NME9: variants seen among roughly 807,000 people sequenced by gnomAD.
The protein encoded by NME9 is thioredoxin domain-containing protein 6.
In NME9, 48 loss-of-function variants were observed where a neutral mutation model predicts 44.4. That is an observed-to-expected ratio of 1.08 (90% CI 0.86 to 1.37). The LOEUF (loss-of-function observed/expected upper bound fraction) is 1.37. Ranked by LOEUF, NME9 falls within the 40% of genes most tolerant of loss-of-function variation. The pLI, the probability that NME9 is intolerant of heterozygous loss-of-function variation, is 0.00. For synonymous variants in NME9, 139 were observed against 147.1 expected (o/e 0.94, Z 0.40); for missense variants, 325 against 405.2 (o/e 0.80, Z 1.70).
At chr3:138,291,273 G>A (rs923840304) in intron 8 of NME9, among the ~76,000 whole-genome samples, 4 of 152,176 alleles carry the variant, frequency 2.6e-5, no homozygotes, top group African/African-American at 9.7e-5. Flanking sequence ...AAGCCCTTCA[G>A]CCCTTAATGG....
At chr3:138,281,288 A>ATTTCTT (rs2049894179) in intron 8 of NME9, among the ~76,000 whole-genome samples, 1 of 148,754 alleles carries the variant, frequency 6.7e-6, no homozygotes, top group Non-Finnish European at 1.5e-5. Context: ...CCAATAATTG[A>ATTTCTT]TTTCTTTTTC....
Position 138,329,779 on chromosome 3 carries a change from A to C in NME9, c.-444T>G. 1 of 994,520 alleles carries C rather than the reference A, an allele frequency of 1.0e-6. No homozygotes were observed. The highest frequency in any genetic ancestry group is 1.2e-6 in the Non-Finnish European group (1 of 835,848). The allele number at this position is 994,520 out of a possible 1,614,324, so 61.6% of individuals were successfully genotyped here. A position where few individuals can be genotyped will look rare whatever the true frequency, so the allele number is the denominator to read the frequency against. Reference sequence around the variant, plus strand: ...CTGGGAAAGTGAGCCACTGCGAACGACAGGTACAAGATCTTCGACGCGCCC... The same window carrying C: ...CTGGGAAAGTGAGCCACTGCGAACGCCAGGTACAAGATCTTCGACGCGCCC... On this transcript the variant is annotated 5_prime_UTR_variant, in exon 1 of 11. Coordinates refer to ENST00000333911, the MANE Select transcript of NME9 (RefSeq NM_001349018.2).
chr3:138,300,087 G>C (rs1436185900), downstream of NME9, among the ~76,000 whole-genome samples: 1 of 152,174 alleles, frequency 6.6e-6, no homozygotes, highest in Non-Finnish European at 1.5e-5. Context: ...CTGTGAGTCT[G>C]GGGATCTGGA....
intron 8 of NME9, among the ~76,000 whole-genome samples, chr3:138,287,033 C>A (rs2050498237): frequency 6.6e-6 from 1 of 152,210 alleles, no homozygotes; most frequent in Admixed American, 6.5e-5. Context: ...ACTGCCCCCA[C>A]CCTAGTCAGT....
At chr3:138,275,677 T>C (rs2049222536) in intron 8 of NME9, among the ~76,000 whole-genome samples, 1 of 152,220 alleles carries the variant, frequency 6.6e-6, no homozygotes, top group Non-Finnish European at 1.5e-5. Context: ...GCTGTGCTTC[T>C]CATCTTCTGT....
intron 10 of NME9, 61 bp downstream of exon 10, chr3:138,303,446 A>T: frequency 7.3e-7 from 1 of 1,368,760 alleles, no homozygotes; most frequent in Non-Finnish European, 1.0e-6. Flanking sequence ...ACTCAAGCAC[A>T]TAGTTACAAA....
At chr3:138,303,374 T>G in intron 10 of NME9, 133 bp downstream of exon 10, 1 of 609,076 alleles carries the variant, frequency 1.6e-6, no homozygotes. Flanking sequence ...TGACCTGTAT[T>G]TTCAGAACAG....
chr3:138,303,626 C>T lies in NME9; in HGVS notation c.809G>A (p.Gly270Asp), dbSNP rs1288382482. Residue 270 changes from glycine (G) to aspartate (D), a missense_variant, in exon 10 of 11, where the codon GGC becomes GAC. Physicochemically the swap from Gly to Asp is moderately conservative, Grantham distance 94. Coordinates refer to ENST00000333911, the MANE Select transcript of NME9 (RefSeq NM_001349018.2). Reference sequence around the variant, plus strand: ...GACGGCATTGAAGGGCATTTCTGTGCCGTACTGAGCTCGGAGACTGGGAAC... The same window carrying T: ...GACGGCATTGAAGGGCATTTCTGTGTCGTACTGAGCTCGGAGACTGGGAAC... ...EQPESLRAQY[G>D]TEMPFNAVHG... 2 of 1,608,448 alleles carry T rather than the reference C, an allele frequency of 1.2e-6. No individual in the cohort carries two copies. The highest frequency in any genetic ancestry group is 2.2e-5 in the South Asian group (2 of 90,850).
intron 8 of NME9, among the ~76,000 whole-genome samples, chr3:138,270,686 C>G (rs940583549): frequency 6.6e-6 from 1 of 151,982 alleles, no homozygotes; most frequent in African/African-American, 2.4e-5. Flanking sequence ...ACATATTTAA[C>G]CATTTTTTGC....
At chr3:138,272,451 A>C (rs531154301) in intron 8 of NME9, among the ~76,000 whole-genome samples, 1 of 151,672 alleles carries the variant, frequency 6.6e-6, no homozygotes, top group Non-Finnish European at 1.5e-5. Flanking sequence ...CACATTCCTC[A>C]TGTAGAAGTA....
chr3:138,305,702 C>G (rs550869078), intron 8 of NME9, among the ~76,000 whole-genome samples: 1 of 152,206 alleles, frequency 6.6e-6, no homozygotes, highest in Non-Finnish European at 1.5e-5. Flanking sequence ...TTCGAGATCC[C>G]TAGCTTCCTT....
downstream of NME9, chr3:138,296,548 AAAG>A (rs1456331533): frequency 4.0e-5 from 6 of 151,660 alleles, no homozygotes; most frequent in Non-Finnish European, 5.9e-5. Context: ...ATATAAAAAA[AAAG>A]AAAAAAAAAG....
intron 8 of NME9, chr3:138,289,181 A>G (rs905939855): frequency 1.3e-5 from 18 of 1,345,252 alleles, no homozygotes; most frequent in Non-Finnish European, 1.8e-5. Context: ...TGCACAGGGA[A>G]GCTAGCAGGT....
chr3:138,275,223 T>C (rs2049162645), intron 8 of NME9, among the ~76,000 whole-genome samples: 1 of 152,216 alleles, frequency 6.6e-6, no homozygotes, highest in African/African-American at 2.4e-5. Context: ...CTTCAGTTTT[T>C]TGACATAGGT....
At chr3:138,298,505 A>C (rs2108419288), downstream of NME9, 1 of 152,352 alleles carries the variant, frequency 6.6e-6, no homozygotes, top group East Asian at 1.9e-4. Flanking sequence ...TTTGCATTTC[A>C]GAGTGGGACC....
At chr3:138,267,280 C>A in intron 8 of NME9, 1 of 1,251,964 alleles carries the variant, frequency 8.0e-7, no homozygotes, top group Non-Finnish European at 1.1e-6. Context: ...TTGCCCAGTC[C>A]AGCTAGAGCT....
chr3:138,324,812 A>C (rs2053679277), intron 2 of NME9, 61 bp downstream of exon 2: 2 of 1,329,694 alleles, frequency 1.5e-6, no homozygotes, highest in Non-Finnish European at 2.2e-6. Flanking sequence ...TTCATGGTTC[A>C]TCACACCATT....
At chr3:138,328,687 A>G (rs1413094361) in intron 1 of NME9, among the ~76,000 whole-genome samples, 1 of 152,186 alleles carries the variant, frequency 6.6e-6, no homozygotes. Flanking sequence ...TCACTTCAGA[A>G]TCAACCACTA....
intron 8 of NME9, among the ~76,000 whole-genome samples, chr3:138,291,774 G>A (rs1476309834): frequency 6.6e-6 from 1 of 152,172 alleles, no homozygotes; most frequent in African/African-American, 2.4e-5. Flanking sequence ...ATTACAGACA[G>A]GGGTGATAGT....
Sources: gnomAD v4.1 joint callset for allele counts (sites outside exome capture counted in the v4.1 genomes callset) on GRCh38, gnomAD v4.1.1 for gene constraint, MANE v1.5 for transcripts, NCBI Gene and HGNC (gene_info 2026-07-23, HGNC 2026-07-21) for gene names.